The following DOCK8 variants were observed in gnomAD, a reference collection of about 807,000 sequenced individuals.
DOCK8 encodes dedicator of cytokinesis 8.
A neutral mutation model predicts 245.6 loss-of-function variants in DOCK8; 141 were observed. The observed-to-expected ratio is 0.57, with a 90% CI of 0.50 to 0.66. DOCK8 has a LOEUF of 0.66. DOCK8 is among the 30% of genes least tolerant of loss of function. The probability of loss-of-function intolerance (pLI) is 0.00; values close to 1 mark genes in which losing one functional copy is unlikely to be tolerated. For synonymous variants in DOCK8, 1,168 were observed against 970.2 expected (o/e 1.20, Z -3.79); for missense variants, 2,965 against 2,603.4 (o/e 1.14, Z -3.02).
rs11515377 is a variant in DOCK8, at chr9:370,370, G to C, written c.1868+70G>C. 325,154 of 1,418,664 alleles carry C rather than the reference G, an allele frequency of 0.23. 38,313 individuals carry two copies. The highest frequency in any genetic ancestry group is 0.28 in the Middle Eastern group (1,567 of 5,684). 87.9% of individuals were successfully genotyped at this position (1,418,664 alleles called of 1,614,324 possible). A position where few individuals can be genotyped will look rare whatever the true frequency, so the allele number is the denominator to read the frequency against. ...TCATCTCCTGGTTTTTCCAAGTCCCGTGGGTGGTTCCTCCTAACTATTTTT... is the reference window on the plus strand; with the variant it reads ...TCATCTCCTGGTTTTTCCAAGTCCCCTGGGTGGTTCCTCCTAACTATTTTT... On this transcript the variant is annotated intron_variant, in intron 16 of 47. Coordinates refer to ENST00000432829, the MANE Select transcript of DOCK8 (RefSeq NM_203447.4).
intron 23 of DOCK8, among the ~76,000 whole-genome samples, chr9:389,360 C>T (rs757353782): frequency 1.3e-5 from 2 of 152,154 alleles, no homozygotes; most frequent in Non-Finnish European, 2.9e-5. Flanking sequence ...GAAGTGAAGA[C>T]GCAAAGTGGA....
chr9:335,022 C>T (rs1328214751), intron 11 of DOCK8, among the ~76,000 whole-genome samples: 1 of 151,988 alleles, frequency 6.6e-6, no homozygotes, highest in Non-Finnish European at 1.5e-5. Context: ...GGCGAGGTTA[C>T]AGTGAGCCGA....
In DOCK8 at chr9:420,413, T is replaced by G; in HGVS notation, c.3853T>G (p.Tyr1285Asp). ...IVLSSLPYKQ[Y>D]NMLNADTTRN... ...TGCCTCCCTTCAGCCCTATAAGCAGTACAACATGCTGAACGCGGACACTAC... is the reference window on the plus strand; with the variant it reads ...TGCCTCCCTTCAGCCCTATAAGCAGGACAACATGCTGAACGCGGACACTAC... Residue 1285 changes from tyrosine (Y) to aspartate (D), a missense_variant, in exon 31 of 48, where the codon TAC (tyrosine) becomes GAC (aspartate). Physicochemically the swap from Tyr to Asp is radical, Grantham distance 160. Coordinates refer to ENST00000432829, the MANE Select transcript of DOCK8 (RefSeq NM_203447.4). 1.9e-6 allele frequency: 3 copies of G among 1,614,180 alleles called. No individual in the cohort carries two copies. Among genetic ancestry groups the G allele is most frequent in the Non-Finnish European group, 2.5e-6 (3 of 1,180,036 alleles).
rs77542642 is a variant in DOCK8 at position 334,430 on chromosome 9, C to T, written c.1285+46C>T. ...GGGAAAGGGAGGGCTCCCCAGTGTG[C>T]GCTGCCCAGGTCCACAGCTTACTAG... On this transcript the variant is annotated intron_variant, in intron 11 of 47. Transcript: ENST00000432829. 4.7e-4 allele frequency: 756 copies of T among 1,596,686 alleles called. 7 individuals are homozygous for T. The East Asian group carries it at 0.013, about 27-fold the overall frequency.
At chr9:389,467 T>C (rs2054090496) in intron 23 of DOCK8, among the ~76,000 whole-genome samples, 1 of 152,100 alleles carries the variant, frequency 6.6e-6, no homozygotes, top group South Asian at 2.1e-4. Context: ...CCCAAGATCC[T>C]CTCATAAACC....
At chr9:412,428 GAAGAA>G (rs954377039) in intron 28 of DOCK8, among the ~76,000 whole-genome samples, 43 of 144,736 alleles carry the variant, frequency 3.0e-4, no homozygotes, top group African/African-American at 1.0e-3. Context: ...AAAAGAAAAA[GAAGAA>G]AAGAAAAGAA....
chr9:413,461 G>T (rs570209051), intron 28 of DOCK8, among the ~76,000 whole-genome samples: 2 of 152,162 alleles, frequency 1.3e-5, no homozygotes, highest in African/African-American at 4.8e-5. Context: ...TCAAAAAAAT[G>T]AAAAGGCAAC....
chr9:404,726 G>C lies in DOCK8; in HGVS notation c.3235-192G>C, dbSNP rs116212770. On this transcript the variant is annotated intron_variant, in intron 26 of 47. Coordinates refer to ENST00000432829, the MANE Select transcript of DOCK8 (RefSeq NM_203447.4). ...CAGCTACTAGGCTAGAATCACTAAG[G>C]GGAACAGTAATGAATGAAAATTTAT... 5.4e-3 allele frequency among the ~76,000 whole-genome samples: 818 copies of C among 152,236 alleles called. 8 individuals carry two copies. Among genetic ancestry groups the C allele is most frequent in the African/African-American group, 0.018 (761 of 41,534 alleles).
At chr9:337,416 T>G (rs1196096752) in intron 12 of DOCK8, among the ~76,000 whole-genome samples, 1 of 152,214 alleles carries the variant, frequency 6.6e-6, no homozygotes, top group Non-Finnish European at 1.5e-5. Context: ...TTGTTCCTTG[T>G]GATACCAACT....
chr9:347,226 G>A (rs530925170), intron 14 of DOCK8, among the ~76,000 whole-genome samples: 9 of 152,160 alleles, frequency 5.9e-5, no homozygotes, highest in South Asian at 2.1e-4. Flanking sequence ...GCTCCATACC[G>A]GGCACAGCGG....
rs2055342268 is a variant in DOCK8, at chr9:404,917, G to T, written c.3235-1G>T. 1 of 1,613,870 alleles carries T rather than the reference G, an allele frequency of 6.2e-7. No individual in the cohort carries two copies. Among genetic ancestry groups the T allele is most frequent in the African/African-American group, 1.3e-5 (1 of 74,968 alleles). ...ATTCCTCTTTTCATTTTTCTTCCCA[G>T]CTGTCAGCCAAGCTCAGTAACCTTC... On this transcript the variant is annotated splice_acceptor_variant, in intron 26 of 47. Coordinates refer to ENST00000432829, the MANE Select transcript of DOCK8 (RefSeq NM_203447.4). LOFTEE classifies it high-confidence loss of function.
intron 1 of DOCK8, among the ~76,000 whole-genome samples, chr9:229,320 A>C (rs759876796): frequency 3.1e-4 from 47 of 152,186 alleles, no homozygotes; most frequent in Non-Finnish European, 4.7e-4. Context: ...GACCAAATAA[A>C]ACTGACTCCT....
intron 14 of DOCK8, among the ~76,000 whole-genome samples, chr9:356,433 G>A (rs967704257): frequency 3.3e-5 from 5 of 151,994 alleles, no homozygotes; most frequent in Admixed American, 2.6e-4. Flanking sequence ...CGGAGGCTGA[G>A]GCAGGAGAAT....
intron 18 of DOCK8, among the ~76,000 whole-genome samples, chr9:374,780 T>A (rs545741762): frequency 1.3e-5 from 2 of 152,176 alleles, no homozygotes; most frequent in South Asian, 4.1e-4. Flanking sequence ...TTTACTTTTT[T>A]AATGTGGCCA....
intron 1 of DOCK8, among the ~76,000 whole-genome samples, chr9:233,904 T>G (rs1321173353): frequency 6.6e-6 from 1 of 152,164 alleles, no homozygotes. Context: ...TACATTTAAT[T>G]TAATATTGTT....
chr9:341,980 C>G (rs1032017077), intron 14 of DOCK8, among the ~76,000 whole-genome samples: 1 of 152,188 alleles, frequency 6.6e-6, no homozygotes, highest in African/African-American at 2.4e-5. Flanking sequence ...TCGCTGTCTG[C>G]CATCACTTTC....
chr9:325,566 G>A, intron 7 of DOCK8, 105 bp from the exon 8 acceptor site: 1 of 929,628 alleles, frequency 1.1e-6, no homozygotes, highest in Admixed American at 1.7e-5. Context: ...AAATATTTCG[G>A]GAAACTGCTC....
chr9:451,919 A>AT, intron 45 of DOCK8, 92 bp from the exon 46 acceptor site: 1 of 319,232 alleles, frequency 3.1e-6, no homozygotes, highest in Non-Finnish European at 5.5e-6. Flanking sequence ...ATGCATATAC[A>AT]TATATATGTA....
At chr9:400,933 AT>A (rs1331692932) in intron 26 of DOCK8, among the ~76,000 whole-genome samples, 9 of 12,702 alleles carry the variant, frequency 7.1e-4, no homozygotes, top group Non-Finnish European at 9.6e-4. Flanking sequence ...TCACCACAAC[AT>A]CCACCACCAC....
Sources: allele counts gnomAD v4.1 joint callset (sites outside exome capture counted in the v4.1 genomes callset), GRCh38; gene constraint gnomAD v4.1.1; transcripts MANE v1.5; gene names NCBI Gene and HGNC (gene_info 2026-07-23, HGNC 2026-07-21).